Variants in CX3CL1 observed in about 807,000 individuals in gnomAD.
CX3CL1 encodes fractalkine.
CX3CL1 carries 1 observed loss-of-function variant against 14.1 expected under a neutral mutation model. That is an observed-to-expected ratio of 0.07 (90% CI 0.03 to 0.34). The LOEUF (loss-of-function observed/expected upper bound fraction) is 0.34, where lower values mean the gene tolerates loss of function less well. Ranked by LOEUF, CX3CL1 falls within the 10% of genes least tolerant of loss-of-function variation. CX3CL1 has a pLI of 0.99. For synonymous variants in CX3CL1, 255 were observed against 229.6 expected (o/e 1.11, Z -1.00); for missense variants, 505 against 536.4 (o/e 0.94, Z 0.58).
chr16:57,378,083 C>A (rs1199723137), intron 1 of CX3CL1: 1 of 152,286 alleles, frequency 6.6e-6, no homozygotes, highest in Non-Finnish European at 1.5e-5. Flanking sequence ...TCCAACCCTC[C>A]TCCTTACTCT....
chr16:57,373,873 G>A (rs938127610), intron 1 of CX3CL1, among the ~76,000 whole-genome samples: 37 of 152,258 alleles, frequency 2.4e-4, no homozygotes, highest in African/African-American at 8.9e-4. Flanking sequence ...GGTGGATTGG[G>A]GGAGGGTGAC....
In CX3CL1 at chr16:57,383,914, G is replaced by A; in HGVS notation, c.*882G>A. ...TTGGACCCTGAGGCCCAGAGGGCCT[G>A]CAAGGGAGTGAGTTGATAGCACAGA... is the stretch of plus-strand genomic sequence containing the variant. On this transcript the variant is annotated 3_prime_UTR_variant, in exon 3 of 3. Coordinates refer to ENST00000006053, the MANE Select transcript of CX3CL1 (RefSeq NM_002996.6). 6.6e-6 allele frequency: 1 copy of A among 152,592 alleles called. No homozygotes were observed. Among genetic ancestry groups the A allele is most frequent in the Non-Finnish European group, 1.5e-5 (1 of 68,234 alleles). 9.5% of individuals were successfully genotyped at this position (152,592 alleles called of 1,614,324 possible). A position where few individuals can be genotyped will look rare whatever the true frequency, so the allele number is the denominator to read the frequency against.
At position 57,382,716 on chromosome 16, in the gene CX3CL1, C is replaced by T; in HGVS notation, c.878C>T (p.Ser293Leu). The change falls in exon 3 of 3, where the codon TCA (serine) becomes TTA (leucine). Residue 293 changes from serine to leucine, a missense_variant. Coordinates refer to ENST00000006053, the MANE Select transcript of CX3CL1 (RefSeq NM_002996.6). This position sits in a 1 kb window ranked among gnomAD's most constrained non-coding sequence, Gnocchi z 6.9. ...CACGTCTCTGTGGTCCCTGTCTCCT[C>T]AGAAGGGACCCCCAGCAGGGAGCCA... ...MAHVSVVPVS[S>L]EGTPSREPVA... is the part of the protein sequence containing the mutation. 2 of 1,613,136 alleles carry T rather than the reference C, an allele frequency of 1.2e-6. No homozygotes were observed. The highest frequency in any genetic ancestry group is 2.2e-5 in the South Asian group (2 of 91,012).
At chr16:57,373,029 G>A (rs1410285362) in intron 1 of CX3CL1, among the ~76,000 whole-genome samples, 2 of 152,124 alleles carry the variant, frequency 1.3e-5, no homozygotes, top group East Asian at 1.9e-4. Flanking sequence ...TCCATCAAGC[G>A]TTAATGTGTA....
chr16:57,373,883 C>T (rs73559225), intron 1 of CX3CL1, among the ~76,000 whole-genome samples: 2,417 of 152,020 alleles, frequency 0.016, 79 homozygotes, highest in African/African-American at 0.055. Flanking sequence ...GGGAGGGTGA[C>T]GAGGTTCCAA....
intron 1 of CX3CL1, among the ~76,000 whole-genome samples, chr16:57,375,642 C>T (rs1365974903): frequency 1.3e-5 from 2 of 152,190 alleles, no homozygotes; most frequent in African/African-American, 2.4e-5. Flanking sequence ...TCAGGGAGTC[C>T]GAGTGACTTG....
chr16:57,375,598 G>A (rs1902235637), intron 1 of CX3CL1, among the ~76,000 whole-genome samples: 1 of 152,202 alleles, frequency 6.6e-6, no homozygotes, highest in Non-Finnish European at 1.5e-5. Flanking sequence ...AGCAGGTATT[G>A]TCACATCCAT....
At chr16:57,381,904 G>C (rs1393240845) in intron 2 of CX3CL1, 126 bp from the exon 3 acceptor site, 1 of 1,048,910 alleles carries the variant, frequency 9.5e-7, no homozygotes, top group African/African-American at 1.6e-5. Context: ...CAGACGCTAA[G>C]TGGGAGGACA....
chr16:57,380,973 C>T (rs1003146632), intron 2 of CX3CL1, among the ~76,000 whole-genome samples: 4 of 152,174 alleles, frequency 2.6e-5, no homozygotes, highest in African/African-American at 9.7e-5. Flanking sequence ...GACCTCTTTG[C>T]TGATCAGTCA....
rs767418752 is a variant in CX3CL1 at position 57,383,006 on chromosome 16, A to C, written c.1168A>C (p.Asn390His). Residue 390 changes from asparagine (N) to histidine (H), a missense_variant, in exon 3 of 3, where the codon AAT becomes CAT. By Grantham distance (68) the Asn-to-His change is moderately conservative (BLOSUM62 1). Transcript: ENST00000006053. ...CTACATCCCCCGGAGCTGTGGTAGT[A>C]ATTCATATGTCCTGGTGCCCGTGTG... The part of the protein sequence containing the change: ...LRYIPRSCGS[N>H]SYVLVPV 33 of 1,495,324 alleles carry C rather than the reference A, an allele frequency of 2.2e-5. No individual in the cohort carries two copies. Among genetic ancestry groups the C allele is most frequent in the Middle Eastern group, 1.8e-4 (1 of 5,544 alleles). The allele number at this position is 1,495,324 out of a possible 1,614,324, so 92.6% of individuals were successfully genotyped here.
At chr16:57,374,374 C>T (rs1490164252) in intron 1 of CX3CL1, among the ~76,000 whole-genome samples, 2 of 152,024 alleles carry the variant, frequency 1.3e-5, no homozygotes, top group Non-Finnish European at 2.9e-5. Flanking sequence ...AAACCTGCAG[C>T]TACGAGTCAG....
In CX3CL1 at chr16:57,372,514, G is replaced by A. The variant is rs542222411; in HGVS notation, c.-55G>A. The A allele has an allele frequency of 4.7e-5, 73 of 1,554,378 alleles. 1 individual carries two copies. The African/African-American group carries it at 4.7e-4, about 10-fold the overall frequency. ...CAAGGGGACAGCACTGAGCTCTGCC[G>A]CCTGGCTCTAGCCGCCTGCCTGGCC... On this transcript the variant is annotated 5_prime_UTR_variant, in exon 1 of 3. Transcript: ENST00000006053.
At chr16:57,377,862 C>T (rs1902265809) in intron 1 of CX3CL1, 1 of 152,154 alleles carries the variant, frequency 6.6e-6, no homozygotes, top group Admixed American at 6.5e-5. Flanking sequence ...TACTCATCCT[C>T]CTTGAGCTCA....
At position 57,382,857 on chromosome 16, in the gene CX3CL1, G is replaced by A; in HGVS notation, c.1019G>A (p.Arg340Lys). Residue 340 changes from arginine to lysine, a missense_variant, in exon 3 of 3, where the codon AGG becomes AAG. Arg to Lys is a conservative substitution (Grantham distance 26). Transcript: ENST00000006053. This position sits in a 1 kb window ranked among gnomAD's most constrained non-coding sequence, Gnocchi z 6.9. The stretch of plus-strand genomic sequence containing the variant: ...CCTGACGCCCAGGCTGCCACCCGGA[G>A]GCAGGCGGTGGGGCTGCTGGCCTTC... The part of the protein sequence containing the change: ...PVPDAQAATR[R>K]QAVGLLAFLG... 1 of 1,557,930 alleles carries A rather than the reference G, an allele frequency of 6.4e-7. No individual in the cohort carries two copies. Among genetic ancestry groups the A allele is most frequent in the Non-Finnish European group, 8.7e-7 (1 of 1,147,746 alleles).
chr16:57,381,544 A>G (rs1158204417), intron 2 of CX3CL1, among the ~76,000 whole-genome samples: 1 of 152,050 alleles, frequency 6.6e-6, no homozygotes, highest in Non-Finnish European at 1.5e-5. Context: ...GCTCACCTGA[A>G]GTCCCCCCCA....
In CX3CL1 at chr16:57,379,842, T is replaced by G. The variant is rs1390132787; in HGVS notation, c.191+88T>G. On this transcript the variant is annotated intron_variant, in intron 2 of 2. Transcript: ENST00000006053. ...TGAGAATCTACGTCCACACCTCCGC[T>G]CCCAGACCTGGGCTCCCAGCCAAAG... 1.6e-5 allele frequency: 24 copies of G among 1,501,724 alleles called. No homozygotes were observed. The East Asian group carries it at 5.4e-4, about 34-fold the overall frequency. The allele number at this position is 1,501,724 out of a possible 1,614,324, so 93.0% of individuals were successfully genotyped here.
Position 57,382,033 on chromosome 16 carries a change from G to T in CX3CL1, c.195G>T (p.Leu65Phe). The part of the protein sequence containing the change: ...QASCGKRAII[L>F]ETRQHRLFCA... ...TCCCTGTCTTCCTCCCTTGTAGCTT[G>T]GAGACGAGACAGCACAGGCTGTTCT... Residue 65 changes from leucine to phenylalanine, a missense_variant, in exon 3 of 3, where the codon TTG becomes TTT. Physicochemically the swap from Leu to Phe is conservative, Grantham distance 22 (BLOSUM62 0). Transcript: ENST00000006053. This position sits in a 1 kb window ranked among gnomAD's most constrained non-coding sequence, Gnocchi z 6.9. 1 of 1,575,192 alleles carries T rather than the reference G, an allele frequency of 6.3e-7. No individual in the cohort carries two copies. The highest frequency in any genetic ancestry group is 1.3e-5 in the African/African-American group (1 of 74,150).
intron 1 of CX3CL1, among the ~76,000 whole-genome samples, chr16:57,375,149 A>AG (rs59642603): frequency 0.041 from 5,079 of 124,048 alleles, 124 homozygotes; most frequent in Non-Finnish European, 0.058. Context: ...AAAAAAAAAA[A>AG]AAAGAAAGAA....
Position 57,382,574 on chromosome 16 carries a change from C to A in CX3CL1, c.736C>A (p.Arg246Ser). ...PEENAPSEGQ[R>S]VWGQGQSPRP... ...GGAGAATGCTCCGTCTGAAGGCCAG[C>A]GTGTGTGGGGTCAGGGACAGAGCCC... is the stretch of plus-strand genomic sequence containing the variant. Residue 246 changes from arginine to serine, a missense_variant, in exon 3 of 3, where the codon CGT (arginine) becomes AGT (serine). Transcript: ENST00000006053. The surrounding 1 kb of genome is among the most constrained non-coding windows in gnomAD (Gnocchi z 6.9). 6.2e-7 allele frequency: 1 copy of A among 1,613,970 alleles called. No individual in the cohort carries two copies. Among genetic ancestry groups the A allele is most frequent in the Non-Finnish European group, 8.5e-7 (1 of 1,179,910 alleles).
Sources: allele counts gnomAD v4.1 joint callset (sites outside exome capture counted in the v4.1 genomes callset), GRCh38; gene constraint gnomAD v4.1.1; non-coding constraint Gnocchi (gnomAD v3.1); transcripts MANE v1.5; gene names NCBI Gene and HGNC (gene_info 2026-07-23, HGNC 2026-07-21).